CSRNP3: variants seen among roughly 807,000 people sequenced by gnomAD.
CSRNP3 encodes cysteine and serine rich nuclear protein 3.
CSRNP3 carries 12 observed loss-of-function variants against 48.0 expected under a neutral mutation model. That is an observed-to-expected ratio of 0.25 (90% CI 0.16 to 0.41). The LOEUF is 0.41. Among genes scored for constraint, CSRNP3 ranks in the 10% least tolerant of loss-of-function variants. The pLI is 1.00. For synonymous variants in CSRNP3, 263 were observed against 269.7 expected (o/e 0.98, Z 0.24); for missense variants, 580 against 724.4 (o/e 0.80, Z 2.29).
intron 4 of CSRNP3, among the ~76,000 whole-genome samples, chr2:165,645,013 C>T (rs1686787556): frequency 6.6e-6 from 1 of 152,026 alleles, no homozygotes; most frequent in Non-Finnish European, 1.5e-5. Context: ...TTGAAGGGGT[C>T]ATGGTCTCTC....
intron 5 of CSRNP3, among the ~76,000 whole-genome samples, chr2:165,665,946 AGG>A (rs1687179779): frequency 7.0e-6 from 1 of 143,438 alleles, no homozygotes; most frequent in Non-Finnish European, 1.5e-5. Flanking sequence ...AGAGGAAGGA[AGG>A]AAGGACGGAA....
At position 165,687,879 on chromosome 2, in the gene CSRNP3, G is replaced by A. The variant is rs1440102422; in HGVS notation, c.*8126G>A. 2 of 151,908 alleles carry A rather than the reference G, an allele frequency of 1.3e-5. No homozygotes were observed. The highest frequency in any genetic ancestry group is 2.9e-5 in the Non-Finnish European group (2 of 67,968). 9.4% of individuals were successfully genotyped at this position (151,908 alleles called of 1,614,324 possible). ...AACTCAGAGTCAGAACTCACCAGAA[G>A]ATGAGGAACACCCCCGAAATCAATG... On this transcript the variant is annotated 3_prime_UTR_variant, in exon 7 of 7. Transcript: ENST00000651982.
Position 165,609,248 on chromosome 2 carries a change from G to A in CSRNP3, c.148+14035G>A, listed in dbSNP as rs1255081925. 3.0e-4 allele frequency among the ~76,000 whole-genome samples: 46 copies of A among 150,964 alleles called. 1 individual carries two copies. The highest frequency in any genetic ancestry group is 1.0e-4 in the Non-Finnish European group (7 of 67,862). On this transcript the variant is annotated intron_variant, in intron 4 of 6. Transcript: ENST00000651982. ...AGGCAGGAGGATCACGAGGTCAGGA[G>A]ATCGAGACCATCCTGGCTAACATGA...
chr2:165,595,585 T>C (rs1320090371), intron 4 of CSRNP3, among the ~76,000 whole-genome samples: 1 of 152,172 alleles, frequency 6.6e-6, no homozygotes, highest in Non-Finnish European at 1.5e-5. Flanking sequence ...GAAAACATTT[T>C]AAAAGGCATT....
At position 165,689,242 on chromosome 2, in the gene CSRNP3, C is replaced by T. The variant is rs1687678875; in HGVS notation, c.*9489C>T. On this transcript the variant is annotated 3_prime_UTR_variant, in exon 7 of 7. Transcript: ENST00000651982. Reference sequence around the variant, plus strand: ...ATGGAAATTCGTGTATTTATTGTGGCTTTTTATTGCAGTGTGTATATATAT... The same window carrying T: ...ATGGAAATTCGTGTATTTATTGTGGTTTTTTATTGCAGTGTGTATATATAT... 1 of 151,894 alleles carries T rather than the reference C, an allele frequency of 6.6e-6. No homozygotes were observed. Among genetic ancestry groups the T allele is most frequent in the Non-Finnish European group, 1.5e-5 (1 of 67,988 alleles). 9.4% of individuals were successfully genotyped at this position (151,894 alleles called of 1,614,324 possible). A position where few individuals can be genotyped will look rare whatever the true frequency, so the allele number is the denominator to read the frequency against.
chr2:165,512,931 C>T (rs1056070895), intron 2 of CSRNP3, among the ~76,000 whole-genome samples: 6 of 152,140 alleles, frequency 3.9e-5, no homozygotes, highest in African/African-American at 1.4e-4. Flanking sequence ...GGTGAAACCC[C>T]ATGTCTACTA....
Position 165,549,552 on chromosome 2 carries a change from T to TATATAAC in CSRNP3, c.-24+31594_-24+31600dup, listed in dbSNP as rs1165775846. Among the ~76,000 whole-genome samples the TATATAAC allele has an allele frequency of 8.5e-5, 13 of 152,236 alleles. No homozygotes were observed. In the East Asian group the frequency reaches 1.5e-3, roughly 18 times the overall value. ...GCCTAAATGTGGTAGCTCTCAATTATATATAACATTATTTTTCTCGATGAA... is the reference window on the plus strand; with the variant it reads ...GCCTAAATGTGGTAGCTCTCAATTATATATAACATATAACATTATTTTTCTCGATGAA... On this transcript the variant is annotated intron_variant, in intron 3 of 6. Transcript: ENST00000651982.
intron 4 of CSRNP3, among the ~76,000 whole-genome samples, chr2:165,616,582 C>G (rs375576282): frequency 6.6e-6 from 1 of 152,078 alleles, no homozygotes; most frequent in Non-Finnish European, 1.5e-5. Flanking sequence ...TATATTATCC[C>G]CTTCTCTCCT....
At chr2:165,647,994 A>G (rs1238000020) in intron 4 of CSRNP3, among the ~76,000 whole-genome samples, 18 of 152,272 alleles carry the variant, frequency 1.2e-4, no homozygotes, top group Admixed American at 1.1e-3. Context: ...ACGGGGGGAA[A>G]ATTCCTAATT....
chr2:165,589,944 T>C (rs1419513047), intron 3 of CSRNP3, among the ~76,000 whole-genome samples: 2 of 152,172 alleles, frequency 1.3e-5, no homozygotes, highest in African/African-American at 2.4e-5. Context: ...ATTATAAAAA[T>C]GTACTTTTTA....
At chr2:165,504,356 A>G (rs1409852899) in intron 2 of CSRNP3, among the ~76,000 whole-genome samples, 1 of 152,074 alleles carries the variant, frequency 6.6e-6, no homozygotes, top group Non-Finnish European at 1.5e-5. Context: ...GTCCTAGCAC[A>G]GTTTATTCTT....
intron 4 of CSRNP3, among the ~76,000 whole-genome samples, chr2:165,612,278 G>T (rs907205869): frequency 6.6e-6 from 1 of 151,986 alleles, no homozygotes; most frequent in South Asian, 2.1e-4. Context: ...AAAGCAGTGT[G>T]CAAAAGAGTA....
chr2:165,483,727 A>G lies in CSRNP3; in HGVS notation c.-282-11032A>G, dbSNP rs569932314. Among the ~76,000 whole-genome samples the G allele has an allele frequency of 2.6e-5, 4 of 152,292 alleles. No individual in the cohort carries two copies. In the East Asian group the frequency reaches 7.7e-4, roughly 29 times the overall value. ...CGTGTCTGGTGAGGGACTGTTTTCT[A>G]GACAGCCATGTTTTTGCTGTAACCT... On this transcript the variant is annotated intron_variant, in intron 1 of 6. Coordinates refer to ENST00000651982, the MANE Select transcript of CSRNP3 (RefSeq NM_001172173.2).
rs186610772 is a variant in CSRNP3 at position 165,683,318 on chromosome 2, A to G, written c.*3565A>G. ...ACTAATGTTTCTTAGTATGTTTAAA[A>G]TCTTCACAATCATATATGGCCCTGC... is the stretch of plus-strand genomic sequence containing the variant. On this transcript the variant is annotated 3_prime_UTR_variant, in exon 7 of 7. Transcript: ENST00000651982. 13 of 152,176 alleles carry G rather than the reference A, an allele frequency of 8.5e-5. No individual in the cohort carries two copies. The highest frequency in any genetic ancestry group is 6.6e-4 in the Admixed American group (10 of 15,246). The allele number at this position is 152,176 out of a possible 1,614,324, so 9.4% of individuals were successfully genotyped here. A position where few individuals can be genotyped will look rare whatever the true frequency, so the allele number is the denominator to read the frequency against.
At chr2:165,488,267 C>T (rs1684150546) in intron 1 of CSRNP3, among the ~76,000 whole-genome samples, 1 of 87,200 alleles carries the variant, frequency 1.1e-5, no homozygotes, top group Admixed American at 1.4e-4. Flanking sequence ...ATATATGCAC[C>T]CAATACAGGA....
chr2:165,532,693 T>C (rs1684830758), intron 3 of CSRNP3, among the ~76,000 whole-genome samples: 1 of 152,062 alleles, frequency 6.6e-6, no homozygotes, highest in Non-Finnish European at 1.5e-5. Context: ...CAACATAGTG[T>C]TGGAAGTTCT....
At chr2:165,531,736 C>CA (rs1338310979) in intron 3 of CSRNP3, among the ~76,000 whole-genome samples, 2 of 151,894 alleles carry the variant, frequency 1.3e-5, no homozygotes, top group South Asian at 2.1e-4. Context: ...AATAGAGACA[C>CA]AAAAAACCCT....
chr2:165,533,938 C>T (rs1034010077), intron 3 of CSRNP3, among the ~76,000 whole-genome samples: 1 of 151,886 alleles, frequency 6.6e-6, no homozygotes, highest in Non-Finnish European at 1.5e-5. Context: ...TTCAACATAT[C>T]TGTTACAGAA....
intron 4 of CSRNP3, among the ~76,000 whole-genome samples, chr2:165,616,993 G>C (rs1686256937): frequency 6.6e-6 from 1 of 152,014 alleles, no homozygotes; most frequent in Admixed American, 6.6e-5. Flanking sequence ...GAATTCTTCA[G>C]TTCAAGGATC....
Sources: allele counts gnomAD v4.1 joint callset (sites outside exome capture counted in the v4.1 genomes callset), GRCh38; gene constraint gnomAD v4.1.1; transcripts MANE v1.5; gene names NCBI Gene and HGNC (gene_info 2026-07-23, HGNC 2026-07-21).